The following NAA11 variants were observed in gnomAD, a reference collection of about 807,000 sequenced individuals.
NAA11 encodes N-alpha-acetyltransferase 11, NatA catalytic subunit.
A neutral mutation model predicts 16.1 loss-of-function variants in NAA11; 15 were observed. That is an observed-to-expected ratio of 0.93 (90% confidence interval 0.62 to 1.44). The LOEUF is 1.44. NAA11 is among the 40% of genes most tolerant of loss of function. The probability of loss-of-function intolerance (pLI) is 0.00; values close to 1 mark genes in which losing one functional copy is unlikely to be tolerated. For synonymous variants in NAA11, 122 were observed against 112.4 expected, an observed-to-expected ratio of 1.09 and a Z score of -0.54; for missense variants, 298 against 291.3, an observed-to-expected ratio of 1.02 and a Z score of -0.17.
the NAA11 span, among the ~76,000 whole-genome samples, chr4:79,164,996 G>A: frequency 6.6e-6 from 1 of 152,158 alleles, no homozygotes; most frequent in East Asian, 1.9e-4. Flanking sequence ...CACACCACAC[G>A]GAGGGAACAC....
At chr4:79,245,157 C>T in intron 2 of NAA11, 1 of 157,150 alleles carries the variant, frequency 6.4e-6, no homozygotes, top group Non-Finnish European at 1.4e-5. Flanking sequence ...CTCTTCCCGG[C>T]CGCCATCCCG....
chr4:79,307,934 T>C (rs1723637368), intron 1 of NAA11, among the ~76,000 whole-genome samples: 1 of 152,198 alleles, frequency 6.6e-6, no homozygotes, highest in Admixed American at 6.5e-5. Context: ...TTTCCATATA[T>C]CCAAATAAAT....
the NAA11 span, among the ~76,000 whole-genome samples, chr4:79,193,402 T>C: frequency 6.6e-6 from 1 of 152,226 alleles, no homozygotes; most frequent in East Asian, 1.9e-4. Flanking sequence ...AATTTTTGTA[T>C]AAGGTGTAAA....
intron 2 of NAA11, among the ~76,000 whole-genome samples, chr4:79,229,025 C>T (rs1721392121): frequency 6.6e-6 from 1 of 151,856 alleles, no homozygotes; most frequent in Non-Finnish European, 1.5e-5. Context: ...CTTTTCTTTT[C>T]ACTTTATTAA....
At chr4:79,272,592 A>T (rs1240977247) in intron 2 of NAA11, among the ~76,000 whole-genome samples, 1 of 152,076 alleles carries the variant, frequency 6.6e-6, no homozygotes, top group African/African-American at 2.4e-5. Flanking sequence ...TCTTTTGATT[A>T]GAAACTACAA....
the NAA11 span, among the ~76,000 whole-genome samples, chr4:79,205,912 C>T: frequency 0.83 from 126,698 of 151,964 alleles, 54,074 homozygotes; most frequent in Non-Finnish European, 0.92. Context: ...TGAAGGTAAG[C>T]TAATTGTAGG....
At chr4:79,230,929 C>T (rs1271165184) in intron 2 of NAA11, among the ~76,000 whole-genome samples, 1 of 151,914 alleles carries the variant, frequency 6.6e-6, no homozygotes, top group African/African-American at 2.4e-5. Flanking sequence ...TTATTAGAGC[C>T]CCCTGTTCAA....
At chr4:79,242,257 C>T (rs1255028935) in intron 2 of NAA11, among the ~76,000 whole-genome samples, 2 of 61,842 alleles carry the variant, frequency 3.2e-5, no homozygotes, top group Non-Finnish European at 9.3e-5. Flanking sequence ...GGGGGATATC[C>T]TTCTTGTTAG....
the NAA11 span, among the ~76,000 whole-genome samples, chr4:79,167,266 T>TAGAGAG: frequency 4.9e-4 from 58 of 119,300 alleles, no homozygotes; most frequent in African/African-American, 1.7e-3. Flanking sequence ...TATATATATA[T>TAGAGAG]ATATAGAGAG....
chr4:79,167,848 C>CA, the NAA11 span, among the ~76,000 whole-genome samples: 7 of 151,178 alleles, frequency 4.6e-5, no homozygotes, highest in South Asian at 2.1e-4. Flanking sequence ...GTGCTACACA[C>CA]TTTTTTTTTA....
chr4:79,216,972 C>T, the NAA11 span, among the ~76,000 whole-genome samples: 3 of 152,188 alleles, frequency 2.0e-5, no homozygotes, highest in Non-Finnish European at 2.9e-5. Flanking sequence ...TGCTCTCCTC[C>T]GTACCTCTAA....
chr4:79,164,104 G>C, the NAA11 span, among the ~76,000 whole-genome samples: 1 of 152,008 alleles, frequency 6.6e-6, no homozygotes, highest in Non-Finnish European at 1.5e-5. Flanking sequence ...TTAGGACCAG[G>C]TTGATTCATT....
the NAA11 span, among the ~76,000 whole-genome samples, chr4:79,162,423 G>C: frequency 6.6e-6 from 1 of 152,166 alleles, no homozygotes; most frequent in Non-Finnish European, 1.5e-5. Flanking sequence ...TGGAAAAAGA[G>C]ACATGGATGA....
At chr4:79,268,557 A>G (rs997760921) in intron 2 of NAA11, among the ~76,000 whole-genome samples, 1 of 152,132 alleles carries the variant, frequency 6.6e-6, no homozygotes, top group Non-Finnish European at 1.5e-5. Flanking sequence ...TTGCAATTTC[A>G]AAAGAAATAC....
At chr4:79,172,388 CT>C in the NAA11 span, among the ~76,000 whole-genome samples, 1 of 152,008 alleles carries the variant, frequency 6.6e-6, no homozygotes, top group African/African-American at 2.4e-5. Flanking sequence ...TACTTATTAA[CT>C]TTTTTTCCAA....
chr4:79,259,939 G>A (rs1351218031), intron 2 of NAA11, among the ~76,000 whole-genome samples: 3 of 152,170 alleles, frequency 2.0e-5, no homozygotes, highest in Non-Finnish European at 4.4e-5. Context: ...CTCAGTATGG[G>A]GACTTGTCTT....
At position 79,292,085 on chromosome 4, in the gene NAA11, G is replaced by A. The variant is rs111620921; in HGVS notation, c.*122+1920C>T. ...TTCAGAGCATCTAAATGTGTGTGCC[G>A]CTCCAATAAATATTTTAGACATCAG... On this transcript the variant is annotated intron_variant and NMD_transcript_variant, in intron 2 of 2. Transcript: ENST00000511542. 8.5e-5 allele frequency among the ~76,000 whole-genome samples: 13 copies of A among 152,218 alleles called. 1 individual carries two copies. The highest frequency in any genetic ancestry group is 1.3e-4 in the Non-Finnish European group (9 of 68,002).
intron 1 of NAA11, among the ~76,000 whole-genome samples, chr4:79,302,407 T>A (rs974283554): frequency 6.6e-6 from 1 of 152,198 alleles, no homozygotes; most frequent in African/African-American, 2.4e-5. Context: ...TAAAAATCTA[T>A]AAACAATCAA....
At chr4:79,199,287 G>T in the NAA11 span, among the ~76,000 whole-genome samples, 1 of 151,792 alleles carries the variant, frequency 6.6e-6, no homozygotes, top group Non-Finnish European at 1.5e-5. Flanking sequence ...GTGAAACATA[G>T]CAAAAATAGT....
Sources: allele counts gnomAD v4.1 joint callset (sites outside exome capture counted in the v4.1 genomes callset), GRCh38; gene constraint gnomAD v4.1.1; transcripts MANE v1.5; gene names NCBI Gene and HGNC (gene_info 2026-07-23, HGNC 2026-07-21).